ADAMTS20: variants seen among roughly 807,000 people sequenced by gnomAD.
ADAMTS20 encodes the protein A disintegrin and metalloproteinase with thrombospondin motifs 20.
Under a neutral mutation model 260.1 loss-of-function variants are expected in ADAMTS20, and 225 were observed. That is an observed-to-expected ratio of 0.87 (90% CI 0.78 to 0.97). ADAMTS20 has a LOEUF of 0.97. Ranked by LOEUF, ADAMTS20 falls within the 50% of genes least tolerant of loss-of-function variation. The pLI is 0.00. For missense variants in ADAMTS20, 2,400 were observed against 2,337.7 expected (o/e 1.03, Z -0.55); for synonymous variants, 802 against 769.5 (o/e 1.04, Z -0.70).
Position 43,551,911 on chromosome 12 carries a change from G to C in ADAMTS20, c.11C>G (p.Ala4Gly), listed in dbSNP as rs1943524100. The C allele has an allele frequency of 6.2e-7, 1 of 1,613,490 alleles. No homozygotes were observed. The highest frequency in any genetic ancestry group is 1.3e-5 in the African/African-American group (1 of 75,058). The stretch of plus-strand genomic sequence containing the variant: ...GTAGAGCAGCCCAGTCAGCCACTTG[G>C]CCACCCACATGGTTCCACCCTGGGG... MWV[A>G]KWLTGLLYHL... The change falls in exon 1 of 39, where the codon GCC (alanine) becomes GGC (glycine). Residue 4 changes from alanine (A) to glycine (G), a missense_variant. Physicochemically the swap from Ala to Gly is moderately conservative, Grantham distance 60 (BLOSUM62 0). Coordinates refer to ENST00000389420, the MANE Select transcript of ADAMTS20 (RefSeq NM_025003.5). The surrounding 1 kb of genome is among the most constrained non-coding windows in gnomAD (Gnocchi z 4.6).
At chr12:43,509,817 A>G (rs890017227) in intron 3 of ADAMTS20, among the ~76,000 whole-genome samples, 1 of 152,188 alleles carries the variant, frequency 6.6e-6, no homozygotes, top group Non-Finnish European at 1.5e-5. Context: ...CTTAGTAAAT[A>G]GTAATATACC....
At position 43,501,461 on chromosome 12, in the gene ADAMTS20, ACGCGCGCGCGCGCGCGCGCG is replaced by A. The variant is rs3036316; in HGVS notation, c.867+671_867+690del. Among the ~76,000 whole-genome samples, 3 of 131,240 alleles carry A rather than the reference ACGCGCGCGCGCGCGCGCGCG, an allele frequency of 2.3e-5. No homozygotes were observed. In the East Asian group the frequency reaches 9.8e-4, roughly 43 times the overall value. 86.1% of individuals were successfully genotyped at this position (131,240 alleles called of 152,430 possible). A position where few individuals can be genotyped will look rare whatever the true frequency, so the allele number is the denominator to read the frequency against. On this transcript the variant is annotated intron_variant, in intron 4 of 38. Coordinates refer to ENST00000389420, the MANE Select transcript of ADAMTS20 (RefSeq NM_025003.5). ...ATGTCCCAGGGTGGTGGAGGGGGAT[ACGCGCGCGCGCGCGCGCGCG>A]CACACACACACACACACACACATGT...
intron 36 of ADAMTS20, among the ~76,000 whole-genome samples, chr12:43,370,847 T>G (rs1940092044): frequency 6.6e-6 from 1 of 152,226 alleles, no homozygotes; most frequent in Non-Finnish European, 1.5e-5. Context: ...AATCCTGTAG[T>G]GTCTACCTCT....
Position 43,354,446 on chromosome 12 carries a change from A to C in ADAMTS20, c.5644-148T>G. The C allele has an allele frequency of 1.4e-5, 8 of 586,886 alleles. No homozygotes were observed. The South Asian group carries it at 1.8e-4, about 13-fold the overall frequency. 36.4% of individuals were successfully genotyped at this position (586,886 alleles called of 1,614,324 possible). A position where few individuals can be genotyped will look rare whatever the true frequency, so the allele number is the denominator to read the frequency against. On this transcript the variant is annotated intron_variant, in intron 38 of 38. Transcript: ENST00000389420. ...AATTGCATTTGAGGTCAAAGATCAT[A>C]TGCCTTTTGATATTAGTTCAAATTG... is the stretch of plus-strand genomic sequence containing the variant.
chr12:43,428,499 A>T lies in ADAMTS20; in HGVS notation c.3687T>A (p.Thr1229=). The T allele has an allele frequency of 6.2e-7, 1 of 1,613,784 alleles. No individual in the cohort carries two copies. Among genetic ancestry groups the T allele is most frequent in the Non-Finnish European group, 8.5e-7 (1 of 1,179,774 alleles). The change falls in exon 26 of 39, where the codon ACT becomes ACA. Residue 1229 remains threonine, a synonymous_variant. Coordinates refer to ENST00000389420, the MANE Select transcript of ADAMTS20 (RefSeq NM_025003.5). ...GGTAGTTCATGCATAAAACTTGTCG[A>T]GTTGTTTTTCCATGGCCACAGGAAG... ...CSASCGHGKT[T]RQVLCMNYHQ...
chr12:43,356,896 T>C (rs1472636793), intron 37 of ADAMTS20, among the ~76,000 whole-genome samples: 1 of 152,200 alleles, frequency 6.6e-6, no homozygotes, highest in Non-Finnish European at 1.5e-5. Context: ...TTGACATATT[T>C]TCCAGAATCT....
chr12:43,462,752 A>G, intron 11 of ADAMTS20, 143 bp downstream of exon 11: 1 of 639,874 alleles, frequency 1.6e-6, no homozygotes, highest in Non-Finnish European at 2.7e-6. Flanking sequence ...ACAATGTACT[A>G]TATCAAACAA....
chr12:43,500,517 A>C (rs1306938721), intron 4 of ADAMTS20, among the ~76,000 whole-genome samples: 3 of 152,224 alleles, frequency 2.0e-5, no homozygotes, highest in Non-Finnish European at 2.9e-5. Context: ...TCTAGGTAAT[A>C]TATGTAGGTA....
In ADAMTS20 at chr12:43,401,803, A is replaced by G. The variant is rs530830440; in HGVS notation, c.4285-2570T>C. Among the ~76,000 whole-genome samples, 4 of 150,624 alleles carry G rather than the reference A, an allele frequency of 2.7e-5. No homozygotes were observed. The South Asian group carries it at 8.4e-4, about 32-fold the overall frequency. On this transcript the variant is annotated intron_variant, in intron 28 of 38. Transcript: ENST00000389420. ...ATTGTCTTAATAGCAAACCAAACTTATACTCCTTGCTTTCTTGATCCACCA... is the reference window on the plus strand; with the variant it reads ...ATTGTCTTAATAGCAAACCAAACTTGTACTCCTTGCTTTCTTGATCCACCA...
Position 43,532,138 on chromosome 12 carries a change from C to A in ADAMTS20, c.511G>T (p.Asp171Tyr). The A allele has an allele frequency of 6.2e-7, 1 of 1,612,404 alleles. No homozygotes were observed. The highest frequency in any genetic ancestry group is 8.5e-7 in the Non-Finnish European group (1 of 1,179,190). ...TGACCATCTTCATATTCATTCCCATCTGCCTTCATTATAGGTTCTAAGAAA... is the reference window on the plus strand; with the variant it reads ...TGACCATCTTCATATTCATTCCCATATGCCTTCATTATAGGTTCTAAGAAA... The part of the protein sequence containing the change: ...EYFLEPIMKA[D>Y]GNEYEDGHNK... Residue 171 changes from aspartate (D) to tyrosine (Y), a missense_variant, in exon 3 of 39, where the codon GAT becomes TAT. Asp to Tyr is a radical substitution (Grantham distance 160). Coordinates refer to ENST00000389420, the MANE Select transcript of ADAMTS20 (RefSeq NM_025003.5).
intron 7 of ADAMTS20, among the ~76,000 whole-genome samples, chr12:43,474,420 A>G (rs1268560562): frequency 1.3e-5 from 2 of 150,932 alleles, no homozygotes; most frequent in Non-Finnish European, 3.0e-5. Flanking sequence ...ACAAGGAGGA[A>G]CTGGTACCAT....
At chr12:43,401,258 A>G (rs957324058) in intron 28 of ADAMTS20, among the ~76,000 whole-genome samples, 2 of 151,976 alleles carry the variant, frequency 1.3e-5, no homozygotes, top group African/African-American at 4.8e-5. Flanking sequence ...TGTATGTTTG[A>G]TATGACTTAT....
At chr12:43,410,976 TAAG>T (rs1354996680) in intron 28 of ADAMTS20, among the ~76,000 whole-genome samples, 1 of 152,062 alleles carries the variant, frequency 6.6e-6, no homozygotes, top group Admixed American at 6.6e-5. Context: ...TTTGTGTAGA[TAAG>T]AAGGGATAAG....
intron 4 of ADAMTS20, among the ~76,000 whole-genome samples, chr12:43,495,001 T>C (rs1053652941): frequency 6.6e-6 from 1 of 152,220 alleles, no homozygotes; most frequent in African/African-American, 2.4e-5. Context: ...AAAAAGAGCA[T>C]ATGCACTATG....
chr12:43,487,730 A>C (rs965079410), intron 7 of ADAMTS20, among the ~76,000 whole-genome samples: 4 of 152,182 alleles, frequency 2.6e-5, no homozygotes, highest in Admixed American at 6.6e-5. Context: ...TGATTCTAAA[A>C]CTTCCACAGA....
intron 4 of ADAMTS20, among the ~76,000 whole-genome samples, chr12:43,494,799 C>G (rs1942653426): frequency 6.6e-6 from 1 of 152,094 alleles, no homozygotes; most frequent in Admixed American, 6.6e-5. Flanking sequence ...AAAAAAAAAG[C>G]ACACCTGTAA....
chr12:43,353,237 C>T (rs1939672368), downstream of ADAMTS20, among the ~76,000 whole-genome samples: 1 of 151,848 alleles, frequency 6.6e-6, no homozygotes, highest in Non-Finnish European at 1.5e-5. Flanking sequence ...TATGTTCTGG[C>T]TTTGAGAAAC....
intron 37 of ADAMTS20, 101 bp from the exon 38 acceptor site, chr12:43,356,689 A>G (rs946336033): frequency 1.3e-6 from 1 of 742,810 alleles, no homozygotes; most frequent in Non-Finnish European, 2.2e-6. Flanking sequence ...TTAATACTAT[A>G]TAATGTTATT....
Position 43,383,547 on chromosome 12 carries a change from C to A in ADAMTS20, c.4797+11G>T, listed in dbSNP as rs555660772. On this transcript the variant is annotated intron_variant, in intron 31 of 38. Coordinates refer to ENST00000389420, the MANE Select transcript of ADAMTS20 (RefSeq NM_025003.5). The stretch of plus-strand genomic sequence containing the variant: ...GGAGCAAAAATTCTCAACTTCCTTT[C>A]TTTACCTTACCTGTGATGAGTCTGC... 6.4e-5 allele frequency: 101 copies of A among 1,588,974 alleles called. No homozygotes were observed. In the East Asian group the frequency reaches 2.2e-3, roughly 34 times the overall value.
Sources: gnomAD v4.1 joint callset for allele counts (sites outside exome capture counted in the v4.1 genomes callset) on GRCh38, gnomAD v4.1.1 for gene constraint, Gnocchi (gnomAD v3.1) non-coding constraint, MANE v1.5 for transcripts, NCBI Gene and HGNC (gene_info 2026-07-23, HGNC 2026-07-21) for gene names.